ZNF469: variants seen among roughly 807,000 people sequenced by gnomAD.
ZNF469 encodes zinc finger protein 469.
A neutral mutation model predicts 1.0 loss-of-function variants in ZNF469; 1 was observed. That is an observed-to-expected ratio of 1.00 (90% CI 0.35 to 4.73). ZNF469 has a LOEUF of 4.73. ZNF469 is among the 30% of genes most tolerant of loss of function. The pLI is 0.16. For missense variants in ZNF469, 6,100 were observed against 5,356.3 expected (o/e 1.14, Z -4.33); for synonymous variants, 2,703 against 2,363.4 (o/e 1.14, Z -4.17).
the ZNF469 span, among the ~76,000 whole-genome samples, chr16:88,315,063 A>G: frequency 6.6e-6 from 1 of 152,338 alleles, no homozygotes; most frequent in South Asian, 2.1e-4. Context: ...TATGCTGAGG[A>G]AGTGTCCTCC....
chr16:88,417,381 G>C (rs1905331007), intron 1 of ZNF469, among the ~76,000 whole-genome samples: 1 of 152,190 alleles, frequency 6.6e-6, no homozygotes, highest in South Asian at 2.1e-4. Flanking sequence ...CCCGTCTTTG[G>C]ATTTTAAAGT....
At chr16:88,360,985 A>T in the ZNF469 span, among the ~76,000 whole-genome samples, 1 of 152,186 alleles carries the variant, frequency 6.6e-6, no homozygotes, top group African/African-American at 2.4e-5. Flanking sequence ...TTCTATTATT[A>T]TTACATTGCA....
At chr16:88,304,497 T>C in the ZNF469 span, among the ~76,000 whole-genome samples, 12 of 152,106 alleles carry the variant, frequency 7.9e-5, no homozygotes, top group Admixed American at 4.6e-4. Flanking sequence ...ATTTTGACTT[T>C]TGGTGACAGA....
the ZNF469 span, among the ~76,000 whole-genome samples, chr16:88,367,932 A>C: frequency 1.3e-5 from 2 of 152,328 alleles, no homozygotes; most frequent in African/African-American, 4.8e-5. Context: ...CGCCAGCTCT[A>C]CGGCAAACAC....
the ZNF469 span, among the ~76,000 whole-genome samples, chr16:88,157,126 C>T: frequency 4.6e-5 from 7 of 152,128 alleles, no homozygotes; most frequent in Non-Finnish European, 1.0e-4. Flanking sequence ...GCTCCACAAC[C>T]ATCACTCATG....
At chr16:88,374,372 A>C in the ZNF469 span, among the ~76,000 whole-genome samples, 2 of 152,254 alleles carry the variant, frequency 1.3e-5, no homozygotes, top group Non-Finnish European at 2.9e-5. Flanking sequence ...GAAACATCAC[A>C]TACAGAATGA....
At chr16:88,167,977 G>T in the ZNF469 span, among the ~76,000 whole-genome samples, 35 of 152,348 alleles carry the variant, frequency 2.3e-4, no homozygotes, top group African/African-American at 7.9e-4. Context: ...AATCTGGCAC[G>T]ACCTGTCATG....
the ZNF469 span, among the ~76,000 whole-genome samples, chr16:88,361,303 C>T: frequency 1.3e-5 from 2 of 152,216 alleles, no homozygotes; most frequent in African/African-American, 4.8e-5. Context: ...CTACTCATCT[C>T]CTGCTGTGTG....
the ZNF469 span, among the ~76,000 whole-genome samples, chr16:88,113,556 G>A: frequency 6.6e-6 from 1 of 152,136 alleles, no homozygotes; most frequent in Non-Finnish European, 1.5e-5. Flanking sequence ...CCCGGCTCGG[G>A]GAGGAACAGT....
the ZNF469 span, among the ~76,000 whole-genome samples, chr16:88,199,161 G>T: frequency 1.3e-5 from 2 of 152,202 alleles, no homozygotes; most frequent in African/African-American, 4.8e-5. Context: ...GGAGGCTGCA[G>T]ATGGGAATGA....
chr16:88,267,833 T>G, the ZNF469 span, among the ~76,000 whole-genome samples: 1 of 152,138 alleles, frequency 6.6e-6, no homozygotes, highest in Non-Finnish European at 1.5e-5. Flanking sequence ...TCCAGTAGGT[T>G]TCACTTCACT....
the ZNF469 span, among the ~76,000 whole-genome samples, chr16:88,147,643 C>A: frequency 1.3e-5 from 2 of 152,216 alleles, no homozygotes; most frequent in East Asian, 3.9e-4. Flanking sequence ...GCAGTGTGCT[C>A]ACGGGACGCT....
the ZNF469 span, among the ~76,000 whole-genome samples, chr16:88,300,307 T>C: frequency 6.6e-6 from 1 of 152,288 alleles, no homozygotes; most frequent in Admixed American, 6.5e-5. Context: ...AGGCTGGATT[T>C]ACAGTCGGGA....
At chr16:88,131,556 T>G in the ZNF469 span, among the ~76,000 whole-genome samples, 13 of 152,214 alleles carry the variant, frequency 8.5e-5, no homozygotes, top group African/African-American at 3.1e-4. Context: ...ACCGGGTCTC[T>G]CATAGTCAGG....
the ZNF469 span, among the ~76,000 whole-genome samples, chr16:88,229,613 T>TGATGCCACGCGTGTG: frequency 1.3e-4 from 2 of 15,146 alleles, no homozygotes; most frequent in East Asian, 3.8e-3. Flanking sequence ...GCGTGTGTGC[T>TGATGCCACGCGTGTG]GATGTCACGC....
chr16:88,430,549 C>T lies in ZNF469; in HGVS notation c.3079C>T (p.Arg1027Cys). 4.1e-6 allele frequency: 6 copies of T among 1,470,246 alleles called. No homozygotes were observed. The highest frequency in any genetic ancestry group is 4.5e-6 in the Non-Finnish European group (5 of 1,117,844). 91.1% of individuals were successfully genotyped at this position (1,470,246 alleles called of 1,614,324 possible). A position where few individuals can be genotyped will look rare whatever the true frequency, so the allele number is the denominator to read the frequency against. The change falls in exon 3 of 3, where the codon CGC (arginine) becomes TGC (cysteine). Residue 1027 changes from arginine (R) to cysteine (C), a missense_variant. Arg to Cys is a radical substitution (Grantham distance 180, BLOSUM62 -3). Coordinates refer to ENST00000565624, the MANE Select transcript of ZNF469 (RefSeq NM_001367624.2). The part of the protein sequence containing the change: ...ALPEETRSSR[R>C]RRLPPRKDPR... ...CCCCGAGGAGACCCGCAGCTCCCGG[C>T]GCCGCCGGCTGCCCCCCAGGAAGGA...
At chr16:88,426,922 C>T (rs371123147) in intron 2 of ZNF469, among the ~76,000 whole-genome samples, 6 of 152,260 alleles carry the variant, frequency 3.9e-5, no homozygotes, top group African/African-American at 1.4e-4. Context: ...CCTGGGCCCT[C>T]CTGGACGCTG....
the ZNF469 span, among the ~76,000 whole-genome samples, chr16:88,302,223 G>A: frequency 2.0e-3 from 305 of 152,326 alleles, 11 homozygotes; most frequent in South Asian, 0.06. Context: ...CGTCTGACCC[G>A]CTGTTCCCGC....
chr16:88,422,988 G>GA (rs145109571), intron 1 of ZNF469, among the ~76,000 whole-genome samples: 4,503 of 151,406 alleles, frequency 0.03, 105 homozygotes, highest in East Asian at 0.078. Context: ...TGGATGGATG[G>GA]ATGGATAGAT....
Sources: allele counts gnomAD v4.1 joint callset (sites outside exome capture counted in the v4.1 genomes callset), GRCh38; gene constraint gnomAD v4.1.1; transcripts MANE v1.5; gene names NCBI Gene and HGNC (gene_info 2026-07-23, HGNC 2026-07-21).